SLX4IP: variants seen among roughly 807,000 people sequenced by gnomAD.
The protein encoded by SLX4IP is SLX4 interacting protein.
In SLX4IP, 34 loss-of-function variants were observed where a neutral mutation model predicts 32.9. The ratio of observed to expected loss-of-function variants is 1.03; its 90% CI spans 0.79 to 1.38. SLX4IP has a LOEUF of 1.38. SLX4IP is among the 40% of genes most tolerant of loss of function. The probability of loss-of-function intolerance (pLI) is 0.00; values close to 1 mark genes in which losing one functional copy is unlikely to be tolerated. For synonymous variants in SLX4IP, 172 were observed against 171.7 expected (o/e 1.00, Z -0.01); for missense variants, 444 against 479.0 (o/e 0.93, Z 0.68).
rs539342758 is a variant in SLX4IP at position 10,502,861 on chromosome 20, A to G, written c.27+44630A>G. 2.0e-5 allele frequency among the ~76,000 whole-genome samples: 3 copies of G among 152,082 alleles called. No individual in the cohort carries two copies. The South Asian group carries it at 6.2e-4, about 32-fold the overall frequency. The stretch of plus-strand genomic sequence containing the variant: ...CCTGGTTTATTCACTGCTATCCTCC[A>G]TGCCTAAAATAATGTCTGGCACATA... On this transcript the variant is annotated intron_variant, in intron 2 of 7. Transcript: ENST00000334534.
intron 2 of SLX4IP, among the ~76,000 whole-genome samples, chr20:10,540,096 T>TTCCTTCCCTTCCTTCC (rs1380282080): frequency 2.7e-5 from 3 of 111,750 alleles, no homozygotes; most frequent in Non-Finnish European, 5.8e-5. Context: ...CCTTCCTTCC[T>TTCCTTCCCTTCCTTCC]TTCCTTCCTT....
At position 10,625,056 on chromosome 20, in the gene SLX4IP, T is replaced by C. The variant is rs1006300177; in HGVS notation, c.*1677T>C. On this transcript the variant is annotated 3_prime_UTR_variant, in exon 8 of 8. Transcript: ENST00000334534. ...AGCGGAACCCAGTCAGGGGATTCTA[T>C]AGGAGAAGAGGGAGCCCAACAGAAT... is the stretch of plus-strand genomic sequence containing the variant. The C allele has an allele frequency of 2.0e-5, 3 of 152,178 alleles. No individual in the cohort carries two copies. The highest frequency in any genetic ancestry group is 2.9e-5 in the Non-Finnish European group (2 of 68,068). The allele number at this position is 152,178 out of a possible 1,614,324, so 9.4% of individuals were successfully genotyped here.
chr20:10,623,542 AT>A lies in SLX4IP; in HGVS notation c.*166del. Reference sequence around the variant, plus strand: ...TATGGCTATGGTTTGTTTTCAAAGCATTTCAAACCGGGAGGCTATATGCTTG... The same window carrying A: ...TATGGCTATGGTTTGTTTTCAAAGCATTCAAACCGGGAGGCTATATGCTTG... On this transcript the variant is annotated 3_prime_UTR_variant, in exon 8 of 8. Coordinates refer to ENST00000334534, the MANE Select transcript of SLX4IP (RefSeq NM_001009608.3). The A allele has an allele frequency of 9.3e-7, 1 of 1,077,584 alleles. No homozygotes were observed. The allele number at this position is 1,077,584 out of a possible 1,614,324, so 66.8% of individuals were successfully genotyped here. A position where few individuals can be genotyped will look rare whatever the true frequency, so the allele number is the denominator to read the frequency against.
chr20:10,594,544 G>A (rs963131975), intron 4 of SLX4IP, among the ~76,000 whole-genome samples: 3 of 152,192 alleles, frequency 2.0e-5, no homozygotes, highest in Non-Finnish European at 2.9e-5. Flanking sequence ...GAATCCCCTG[G>A]AAAACAAGTG....
At position 10,591,696 on chromosome 20, in the gene SLX4IP, T is replaced by G. The variant is rs183838824; in HGVS notation, c.239-6979T>G. ...GCATGGCCTGGCAGAGTTATGATTGTGGGAACCATAGTTTTGAATATCATT... is the reference window on the plus strand; with the variant it reads ...GCATGGCCTGGCAGAGTTATGATTGGGGGAACCATAGTTTTGAATATCATT... On this transcript the variant is annotated intron_variant, in intron 4 of 7. Coordinates refer to ENST00000334534, the MANE Select transcript of SLX4IP (RefSeq NM_001009608.3). 1.9e-4 allele frequency among the ~76,000 whole-genome samples: 29 copies of G among 152,366 alleles called. No individual in the cohort carries two copies. In the East Asian group the frequency reaches 5.0e-3, roughly 26 times the overall value.
intron 1 of SLX4IP, among the ~76,000 whole-genome samples, chr20:10,436,543 G>A (rs2122307798): frequency 6.6e-6 from 1 of 152,164 alleles, no homozygotes; most frequent in East Asian, 1.9e-4. Context: ...TTTTAGTAGA[G>A]ACAGGGTTCG....
intron 2 of SLX4IP, among the ~76,000 whole-genome samples, chr20:10,541,441 C>T (rs1273057217): frequency 6.6e-6 from 1 of 152,176 alleles, no homozygotes. Flanking sequence ...CCAGGAGTCA[C>T]TTTAAGGAAG....
Position 10,624,843 on chromosome 20 carries a change from T to C in SLX4IP, c.*1464T>C, listed in dbSNP as rs1226764399. On this transcript the variant is annotated 3_prime_UTR_variant, in exon 8 of 8. Transcript: ENST00000334534. ...GCAGCAGCTATATTTCATGGCACCATTTTGGGTCATGAAATTCCATCTTGG... is the reference window on the plus strand; with the variant it reads ...GCAGCAGCTATATTTCATGGCACCACTTTGGGTCATGAAATTCCATCTTGG... 6.6e-6 allele frequency: 1 copy of C among 152,210 alleles called. No homozygotes were observed. Among genetic ancestry groups the C allele is most frequent in the South Asian group, 2.1e-4 (1 of 4,832 alleles). The allele number at this position is 152,210 out of a possible 1,614,324, so 9.4% of individuals were successfully genotyped here.
rs149678748 is a variant in SLX4IP at position 10,596,887 on chromosome 20, T to C, written c.239-1788T>C. Among the ~76,000 whole-genome samples, 485 of 152,280 alleles carry C rather than the reference T, an allele frequency of 3.2e-3. 3 individuals carry two copies. The highest frequency in any genetic ancestry group is 6.8e-3 in the Middle Eastern group (2 of 294). ...AATGTCAGTGGTGTGTATATTTTGT[T>C]TGACATTTTAAGCAGAAGAAAGCCA... On this transcript the variant is annotated intron_variant, in intron 4 of 7. Coordinates refer to ENST00000334534, the MANE Select transcript of SLX4IP (RefSeq NM_001009608.3).
intron 2 of SLX4IP, among the ~76,000 whole-genome samples, chr20:10,535,469 G>A (rs1274860408): frequency 2.0e-5 from 3 of 152,002 alleles, no homozygotes; most frequent in Admixed American, 1.3e-4. Context: ...TTACAGGTGC[G>A]TGCCACCATG....
intron 4 of SLX4IP, among the ~76,000 whole-genome samples, chr20:10,581,225 G>C (rs1395332560): frequency 6.6e-6 from 1 of 152,040 alleles, no homozygotes; most frequent in Non-Finnish European, 1.5e-5. Flanking sequence ...GGACAAGATG[G>C]AGGGACAGGG....
chr20:10,609,506 G>A (rs2066941553), intron 6 of SLX4IP, among the ~76,000 whole-genome samples: 1 of 152,170 alleles, frequency 6.6e-6, no homozygotes, highest in Non-Finnish European at 1.5e-5. Flanking sequence ...GCAGAATTTT[G>A]AAATGAGACA....
chr20:10,485,322 G>A (rs1166206106), intron 2 of SLX4IP, among the ~76,000 whole-genome samples: 1 of 152,062 alleles, frequency 6.6e-6, no homozygotes, highest in Non-Finnish European at 1.5e-5. Context: ...ACAACTTTTG[G>A]TTGGGCATGG....
intron 1 of SLX4IP, among the ~76,000 whole-genome samples, chr20:10,444,907 A>G (rs1479716015): frequency 6.6e-6 from 1 of 151,952 alleles, no homozygotes; most frequent in Non-Finnish European, 1.5e-5. Context: ...AGACCATAGC[A>G]CCATGTTGTG....
chr20:10,623,280 G>A lies in SLX4IP; in HGVS notation c.1128G>A (p.Gly376=). The A allele has an allele frequency of 6.2e-7, 1 of 1,614,118 alleles. No individual in the cohort carries two copies. The highest frequency in any genetic ancestry group is 8.5e-7 in the Non-Finnish European group (1 of 1,180,026). ...GACATCTTATGAAAAATAACCCAGG[G>A]CAGGCACAGCAAACCGGCTTAGCCA... is the stretch of plus-strand genomic sequence containing the variant. ...SSRHLMKNNP[G]QAQQTGLATN... The change falls in exon 8 of 8, where the codon GGG becomes GGA. Residue 376 remains glycine, a synonymous_variant. Transcript: ENST00000334534.
intron 2 of SLX4IP, among the ~76,000 whole-genome samples, chr20:10,528,686 A>C (rs1827297722): frequency 6.6e-6 from 1 of 152,232 alleles, no homozygotes; most frequent in Non-Finnish European, 1.5e-5. Context: ...AGGAGGGCCT[A>C]GACTTGTCAG....
intron 4 of SLX4IP, among the ~76,000 whole-genome samples, chr20:10,580,536 C>G (rs988250319): frequency 6.8e-6 from 1 of 147,930 alleles, no homozygotes; most frequent in Non-Finnish European, 1.5e-5. Context: ...TTGCCTATGC[C>G]TACCTTTGTT....
chr20:10,457,545 C>A (rs1424323153), intron 1 of SLX4IP, among the ~76,000 whole-genome samples: 1 of 150,338 alleles, frequency 6.7e-6, no homozygotes, highest in African/African-American at 2.4e-5. Context: ...TCCTTGCATT[C>A]TTGGGCTACA....
At chr20:10,539,811 C>T (rs1198825235) in intron 2 of SLX4IP, among the ~76,000 whole-genome samples, 1 of 152,054 alleles carries the variant, frequency 6.6e-6, no homozygotes, top group Admixed American at 6.5e-5. Context: ...GGCCCCACCC[C>T]GAGAGTCTGA....
Sources: gnomAD v4.1 joint callset for allele counts (sites outside exome capture counted in the v4.1 genomes callset) on GRCh38, gnomAD v4.1.1 for gene constraint, MANE v1.5 for transcripts, NCBI Gene and HGNC (gene_info 2026-07-23, HGNC 2026-07-21) for gene names.